KCNE3: variants seen among roughly 807,000 people sequenced by gnomAD.
KCNE3 encodes the protein potassium voltage-gated channel subfamily E regulatory subunit 3, also known as potassium voltage-gated channel subfamily E member 3.
KCNE3 carries 2 observed loss-of-function variants against 4.3 expected under a neutral mutation model. The observed-to-expected ratio is 0.47, with a 90% CI of 0.19 to 1.48. The LOEUF (loss-of-function observed/expected upper bound fraction) is 1.48, where lower values mean the gene tolerates loss of function less well. Among genes scored for constraint, KCNE3 ranks in the 40% most tolerant of loss-of-function variants. The pLI is 0.25. For missense variants in KCNE3, 128 were observed against 136.8 expected, an observed-to-expected ratio of 0.94 and a Z score of 0.32; for synonymous variants, 47 against 52.0, an observed-to-expected ratio of 0.90 and a Z score of 0.41.
At chr11:74,464,363 A>T (rs1419773867) in intron 1 of KCNE3, 1 of 152,250 alleles carries the variant, frequency 6.6e-6, no homozygotes, top group East Asian at 1.9e-4. Flanking sequence ...AGAAAAAGTC[A>T]CATAAAGCAG....
chr11:74,464,621 G>C (rs564633114), intron 1 of KCNE3, among the ~76,000 whole-genome samples: 1 of 152,328 alleles, frequency 6.6e-6, no homozygotes, highest in East Asian at 1.9e-4. Flanking sequence ...GGAATCACCT[G>C]CTTAAGGTCT....
intron 1 of KCNE3, among the ~76,000 whole-genome samples, chr11:74,462,527 A>C (rs1863976465): frequency 6.6e-6 from 1 of 152,234 alleles, no homozygotes; most frequent in African/African-American, 2.4e-5. Context: ...AGCTGGGTTG[A>C]TATTTTACAT....
rs1863830378 is a variant in KCNE3 at position 74,456,951 on chromosome 11, C to A, written c.*301G>T. ...TCTTCTCCGTTCTCCAATCCCCAGG[C>A]CCCTAATACTCCAGCCACTGAACCA... On this transcript the variant is annotated 3_prime_UTR_variant, in exon 3 of 3. Coordinates refer to ENST00000310128, the MANE Select transcript of KCNE3 (RefSeq NM_005472.5). 1 of 436,966 alleles carries A rather than the reference C, an allele frequency of 2.3e-6. No individual in the cohort carries two copies. Among genetic ancestry groups the A allele is most frequent in the Non-Finnish European group, 4.2e-6 (1 of 237,182 alleles). The allele number at this position is 436,966 out of a possible 1,614,324, so 27.1% of individuals were successfully genotyped here. A position where few individuals can be genotyped will look rare whatever the true frequency, so the allele number is the denominator to read the frequency against.
At chr11:74,466,413 C>T (rs1052601844) in intron 1 of KCNE3, among the ~76,000 whole-genome samples, 10 of 152,156 alleles carry the variant, frequency 6.6e-5, no homozygotes, top group Non-Finnish European at 8.8e-5. Context: ...GGTCTTCCTC[C>T]ATCAGGAACA....
rs768234105 is a variant in KCNE3 at position 74,457,069 on chromosome 11, T to A, written c.*183A>T. On this transcript the variant is annotated 3_prime_UTR_variant, in exon 3 of 3. Transcript: ENST00000310128. ...ATCTTTTCCTGGGAAAAAATCCTTATGCACAAGGCTTCGGTCTACCAGCCC... is the reference window on the plus strand; with the variant it reads ...ATCTTTTCCTGGGAAAAAATCCTTAAGCACAAGGCTTCGGTCTACCAGCCC... 4.5e-5 allele frequency: 29 copies of A among 638,096 alleles called. No individual in the cohort carries two copies. Among genetic ancestry groups the A allele is most frequent in the Non-Finnish European group, 6.1e-5 (22 of 360,564 alleles). 39.5% of individuals were successfully genotyped at this position (638,096 alleles called of 1,614,324 possible).
rs780971201 is a variant in KCNE3 at position 74,457,397 on chromosome 11, T to C, written c.167A>G (p.Asn56Ser). The part of the protein sequence containing the change: ...RRASLPGRDD[N>S]SYMYILFVMF... ...GACAAAGAGAATGTACATGTAGGAG[T>C]TGTCATCACGGCCAGGTAGGCTGGC... Residue 56 changes from asparagine to serine, a missense_variant, in exon 3 of 3, where the codon AAC becomes AGC. Asn to Ser is a conservative substitution (Grantham distance 46). Transcript: ENST00000310128. 3 of 1,613,362 alleles carry C rather than the reference T, an allele frequency of 1.9e-6. No individual in the cohort carries two copies. Among genetic ancestry groups the C allele is most frequent in the Non-Finnish European group, 2.5e-6 (3 of 1,179,682 alleles).
At position 74,456,179 on chromosome 11, in the gene KCNE3, T is replaced by TATATATATATATATATATATAA. The variant is rs1340077987; in HGVS notation, c.*1072_*1073insTTATATATATATATATATATAT. The TATATATATATATATATATATAA allele has an allele frequency of 2.4e-5, 3 of 124,512 alleles. No homozygotes were observed. Among genetic ancestry groups the TATATATATATATATATATATAA allele is most frequent in the East Asian group, 5.7e-4 (2 of 3,494 alleles). 7.7% of individuals were successfully genotyped at this position (124,512 alleles called of 1,614,324 possible). A position where few individuals can be genotyped will look rare whatever the true frequency, so the allele number is the denominator to read the frequency against. On this transcript the variant is annotated 3_prime_UTR_variant, in exon 3 of 3. Transcript: ENST00000310128. ...AAATATATATATATATATATATATA[T>TATATATATATATATATATATAA]AAATTAACTGGGTGTGGTGACAGGA... is the stretch of plus-strand genomic sequence containing the variant.
At chr11:74,464,025 C>G (rs1430366502) in intron 1 of KCNE3, among the ~76,000 whole-genome samples, 1 of 152,180 alleles carries the variant, frequency 6.6e-6, no homozygotes, top group African/African-American at 2.4e-5. Context: ...CGTTTATGCT[C>G]TCATCTTCCA....
chr11:74,457,121 C>T lies in KCNE3; in HGVS notation c.*131G>A. ...TCTTCTCCCACCCCAGTGACGACCT[C>T]CCTTAACCGTGTTTCTTGTTGATCT... On this transcript the variant is annotated 3_prime_UTR_variant, in exon 3 of 3. Coordinates refer to ENST00000310128, the MANE Select transcript of KCNE3 (RefSeq NM_005472.5). 1.1e-6 allele frequency: 1 copy of T among 930,898 alleles called. No individual in the cohort carries two copies. The allele number at this position is 930,898 out of a possible 1,614,324, so 57.7% of individuals were successfully genotyped here. A position where few individuals can be genotyped will look rare whatever the true frequency, so the allele number is the denominator to read the frequency against.
At chr11:74,458,840 A>T (rs76227075) in intron 2 of KCNE3, among the ~76,000 whole-genome samples, 2 of 147,820 alleles carry the variant, frequency 1.4e-5, no homozygotes, top group Non-Finnish European at 3.0e-5. Flanking sequence ...TCTCAAAAGA[A>T]AAAAAAAAAA....
In KCNE3 at chr11:74,467,231, A is replaced by G. The variant is rs1388364135; in HGVS notation, c.-190+167T>C. ...ACTGCGCTCGGGAGGATCGGGGAGG[A>G]TCCGGGAGGACTAGCTTGGTATTTG... On this transcript the variant is annotated intron_variant, in intron 1 of 2. Coordinates refer to ENST00000310128, the MANE Select transcript of KCNE3 (RefSeq NM_005472.5). This position sits in a 1 kb window ranked among gnomAD's most constrained non-coding sequence, Gnocchi z 4.4. Among the ~76,000 whole-genome samples, 1 of 151,872 alleles carries G rather than the reference A, an allele frequency of 6.6e-6. No homozygotes were observed. The highest frequency in any genetic ancestry group is 1.5e-5 in the Non-Finnish European group (1 of 67,962).
At chr11:74,460,805 G>A (rs188052965) in intron 2 of KCNE3, among the ~76,000 whole-genome samples, 73 of 152,264 alleles carry the variant, frequency 4.8e-4, no homozygotes, top group Non-Finnish European at 8.2e-4. Context: ...AGATAAAATG[G>A]TCAGATCTGT....
chr11:74,464,091 T>G (rs1236685779), intron 1 of KCNE3, among the ~76,000 whole-genome samples: 1 of 152,206 alleles, frequency 6.6e-6, no homozygotes, highest in East Asian at 1.9e-4. Flanking sequence ...AGGTTCACTC[T>G]CTGTTCCTGC....
chr11:74,464,290 T>C (rs1293851031), intron 1 of KCNE3: 4 of 152,182 alleles, frequency 2.6e-5, no homozygotes, highest in Admixed American at 6.5e-5. Flanking sequence ...CGTCACTCCG[T>C]TTCAGCTACT....
rs1863848465 is a variant in KCNE3 at position 74,457,461 on chromosome 11, G to A, written c.103C>T (p.Pro35Ser). Residue 35 changes from proline to serine, a missense_variant, in exon 3 of 3, where the codon CCA (proline) becomes TCA (serine). By Grantham distance (74) the Pro-to-Ser change is moderately conservative. Transcript: ENST00000310128. ...LHSNLLCRPG[P>S]GLGPDNQTEE... is the part of the protein sequence containing the mutation. ...GTCTGGTTGTCTGGCCCCAGCCCTG[G>A]CCCTGGCCGGCAGAGCAAATTGCTG... 2 of 1,614,114 alleles carry A rather than the reference G, an allele frequency of 1.2e-6. No homozygotes were observed. Among genetic ancestry groups the A allele is most frequent in the Admixed American group, 3.3e-5 (2 of 60,030 alleles).
At chr11:74,459,316 C>T (rs1591225446) in intron 2 of KCNE3, among the ~76,000 whole-genome samples, 3 of 132,246 alleles carry the variant, frequency 2.3e-5, no homozygotes, top group African/African-American at 8.3e-5. Flanking sequence ...GGCTGCAGTG[C>T]AGTGGCGCAA....
In KCNE3 at chr11:74,455,051, G is replaced by T. The variant is rs1395321759; in HGVS notation, c.*2201C>A. 4 of 152,142 alleles carry T rather than the reference G, an allele frequency of 2.6e-5. No individual in the cohort carries two copies. Among genetic ancestry groups the T allele is most frequent in the Admixed American group, 6.5e-5 (1 of 15,280 alleles). The allele number at this position is 152,142 out of a possible 1,614,324, so 9.4% of individuals were successfully genotyped here. A position where few individuals can be genotyped will look rare whatever the true frequency, so the allele number is the denominator to read the frequency against. ...CATAACTGCATATGGCAGCAAATGT[G>T]TTCCATGATCCTCCATTCAAGAACC... On this transcript the variant is annotated 3_prime_UTR_variant, in exon 3 of 3. Coordinates refer to ENST00000310128, the MANE Select transcript of KCNE3 (RefSeq NM_005472.5).
chr11:74,465,086 A>C (rs2135020114), intron 1 of KCNE3, among the ~76,000 whole-genome samples: 1 of 150,240 alleles, frequency 6.7e-6, no homozygotes, highest in Non-Finnish European at 1.5e-5. Context: ...TTAGAGCACT[A>C]TACTGTACTG....
At chr11:74,459,237 C>T (rs949937112) in intron 2 of KCNE3, among the ~76,000 whole-genome samples, 1 of 150,720 alleles carries the variant, frequency 6.6e-6, no homozygotes, top group Non-Finnish European at 1.5e-5. Context: ...CTCAGAGATC[C>T]TTAGTCTATA....
Sources: gnomAD v4.1 joint callset for allele counts (sites outside exome capture counted in the v4.1 genomes callset) on GRCh38, gnomAD v4.1.1 for gene constraint, Gnocchi (gnomAD v3.1) non-coding constraint, MANE v1.5 for transcripts, NCBI Gene and HGNC (gene_info 2026-07-23, HGNC 2026-07-21) for gene names.